The following RASAL2 variants were observed in gnomAD, a reference collection of about 807,000 sequenced individuals.
RASAL2 encodes the protein RAS protein activator like 2.
RASAL2 carries 58 observed loss-of-function variants against 128.9 expected under a neutral mutation model. That is an observed-to-expected ratio of 0.45 (90% CI 0.36 to 0.56). RASAL2 has a LOEUF of 0.56. Among genes scored for constraint, RASAL2 ranks in the 20% least tolerant of loss-of-function variants. RASAL2 has a pLI of 0.00. For synonymous variants in RASAL2, 561 were observed against 580.8 expected (o/e 0.97, Z 0.49); for missense variants, 1,360 against 1,601.6 (o/e 0.85, Z 2.57).
At chr1:178,186,697 T>A (rs1479300265) in intron 1 of RASAL2, among the ~76,000 whole-genome samples, 1 of 152,196 alleles carries the variant, frequency 6.6e-6, no homozygotes, top group Non-Finnish European at 1.5e-5. Context: ...AGTAATTTAA[T>A]TATTATGTGT....
At chr1:178,437,378 T>C (rs999975787) in intron 5 of RASAL2, among the ~76,000 whole-genome samples, 3 of 152,102 alleles carry the variant, frequency 2.0e-5, no homozygotes, top group African/African-American at 7.2e-5. Context: ...TTCTGACATA[T>C]AGTTCAGAAA....
At chr1:178,331,956 T>C (rs1389683545) in intron 3 of RASAL2, among the ~76,000 whole-genome samples, 1 of 152,192 alleles carries the variant, frequency 6.6e-6, no homozygotes, top group Non-Finnish European at 1.5e-5. Flanking sequence ...TCAATAAATA[T>C]TGAGTTCAGT....
chr1:178,427,913 A>C (rs1675627856), intron 5 of RASAL2, among the ~76,000 whole-genome samples: 1 of 152,066 alleles, frequency 6.6e-6, no homozygotes, highest in Non-Finnish European at 1.5e-5. Flanking sequence ...ACCCCTTTAT[A>C]GTCATACCCA....
At chr1:178,122,326 A>G (rs1046249906) in intron 1 of RASAL2, among the ~76,000 whole-genome samples, 4 of 152,234 alleles carry the variant, frequency 2.6e-5, no homozygotes, top group African/African-American at 4.8e-5. Flanking sequence ...TTATAAAGCC[A>G]ACACTGGAGT....
At chr1:178,399,273 G>T (rs1325395516) in intron 4 of RASAL2, among the ~76,000 whole-genome samples, 1 of 151,956 alleles carries the variant, frequency 6.6e-6, no homozygotes, top group African/African-American at 2.4e-5. Flanking sequence ...ACAACCCATG[G>T]TGTCTTGGAG....
At position 178,451,567 on chromosome 1, in the gene RASAL2, A is replaced by T. The variant is rs184737622; in HGVS notation, c.1628-4A>T. 6.2e-7 allele frequency: 1 copy of T among 1,612,900 alleles called. No individual in the cohort carries two copies. Among genetic ancestry groups the T allele is most frequent in the Admixed American group, 1.7e-5 (1 of 59,920 alleles). The stretch of plus-strand genomic sequence containing the variant: ...CTATACCGTTATCTTCTCTCTTCAA[A>T]TAGGGGAGTTTATCAAAGCTTTGTA... On this transcript the variant is annotated splice_region_variant and splice_polypyrimidine_tract_variant and intron_variant, in intron 9 of 17. Coordinates refer to ENST00000367649, the MANE Select transcript of RASAL2 (RefSeq NM_170692.4).
At chr1:178,398,735 A>G (rs1673422930) in intron 4 of RASAL2, among the ~76,000 whole-genome samples, 1 of 152,146 alleles carries the variant, frequency 6.6e-6, no homozygotes, top group South Asian at 2.1e-4. Flanking sequence ...GTAGTGCTGC[A>G]CATTTCTTCA....
At chr1:178,453,087 G>A (rs73037542) in intron 11 of RASAL2, among the ~76,000 whole-genome samples, 1,522 of 152,116 alleles carry the variant, frequency 0.01, 22 homozygotes, top group African/African-American at 0.034. Flanking sequence ...CAATTATCCT[G>A]GCCACTTCAA....
chr1:178,329,314 A>G (rs1669182451), intron 3 of RASAL2, among the ~76,000 whole-genome samples: 1 of 152,182 alleles, frequency 6.6e-6, no homozygotes, highest in Admixed American at 6.6e-5. Flanking sequence ...ACATTTGGTG[A>G]AGATCTGAAA....
rs1648578884 is a variant in RASAL2 at position 178,475,109 on chromosome 1, G to A, written c.*1870G>A. The A allele has an allele frequency of 6.6e-6, 1 of 152,112 alleles. No homozygotes were observed. Among genetic ancestry groups the A allele is most frequent in the African/African-American group, 2.4e-5 (1 of 41,402 alleles). The allele number at this position is 152,112 out of a possible 1,614,324, so 9.4% of individuals were successfully genotyped here. On this transcript the variant is annotated 3_prime_UTR_variant, in exon 18 of 18. Transcript: ENST00000367649. The stretch of plus-strand genomic sequence containing the variant: ...CTCTCTCAGGTGGATCTTTGTGTTG[G>A]ACCTTACGTTTCAGCAACCTCACCA...
At chr1:178,350,230 C>T (rs529777994) in intron 3 of RASAL2, among the ~76,000 whole-genome samples, 1 of 152,230 alleles carries the variant, frequency 6.6e-6, no homozygotes, top group East Asian at 1.9e-4. Context: ...CTCTCTCTTT[C>T]TCTGTTGAGA....
intron 2 of RASAL2, among the ~76,000 whole-genome samples, chr1:178,288,432 A>G (rs1187364843): frequency 1.3e-5 from 2 of 151,950 alleles, no homozygotes; most frequent in African/African-American, 4.8e-5. Context: ...TATCTGCCTA[A>G]CAGCAACTGT....
intron 16 of RASAL2, among the ~76,000 whole-genome samples, chr1:178,466,905 G>A (rs185749676): frequency 4.1e-4 from 62 of 152,324 alleles, no homozygotes; most frequent in Non-Finnish European, 5.7e-4. Flanking sequence ...GAGTTAAGAT[G>A]TGAATGGCGG....
chr1:178,131,800 C>T (rs528201428), intron 1 of RASAL2, among the ~76,000 whole-genome samples: 5 of 152,128 alleles, frequency 3.3e-5, no homozygotes, highest in African/African-American at 7.2e-5. Context: ...CTGGGCAGCC[C>T]GACCACAGAG....
At chr1:178,110,626 TATAGTGTATAC>T in intron 1 of RASAL2, among the ~76,000 whole-genome samples, 1 of 76,156 alleles carries the variant, frequency 1.3e-5, no homozygotes, top group Non-Finnish European at 2.6e-5. Context: ...ATACACTATA[TATAGTGTATAC>T]ATATATATAT....
intron 4 of RASAL2, among the ~76,000 whole-genome samples, chr1:178,405,933 CTG>C (rs1673974308): frequency 1.3e-5 from 2 of 152,156 alleles, no homozygotes; most frequent in African/African-American, 4.8e-5. Flanking sequence ...AAGGAAAACT[CTG>C]TACTATTTTT....
At chr1:178,098,599 C>T (rs1658779924) in intron 1 of RASAL2, among the ~76,000 whole-genome samples, 1 of 152,148 alleles carries the variant, frequency 6.6e-6, no homozygotes, top group East Asian at 1.9e-4. Flanking sequence ...TGGAGCTCTG[C>T]ACTCATCAGT....
intron 1 of RASAL2, among the ~76,000 whole-genome samples, chr1:178,104,252 A>G (rs1571477202): frequency 1.3e-5 from 2 of 152,150 alleles, no homozygotes; most frequent in African/African-American, 2.4e-5. Context: ...CACTGATTTA[A>G]GAAGACTTCT....
chr1:178,221,073 T>G (rs552829883), intron 1 of RASAL2, among the ~76,000 whole-genome samples: 8 of 152,378 alleles, frequency 5.3e-5, no homozygotes, highest in Admixed American at 3.3e-4. Context: ...CTTCACACCC[T>G]TGCCAGCATT....
Sources: allele counts gnomAD v4.1 joint callset (sites outside exome capture counted in the v4.1 genomes callset), GRCh38; gene constraint gnomAD v4.1.1; transcripts MANE v1.5; gene names NCBI Gene and HGNC (gene_info 2026-07-23, HGNC 2026-07-21).